OR13G1: variants seen among roughly 807,000 people sequenced by gnomAD.
OR13G1 encodes the protein olfactory receptor 13G1.
For synonymous variants in OR13G1, 128 were observed against 136.2 expected (o/e 0.94, Z 0.42); for missense variants, 369 against 385.7 (o/e 0.96, Z 0.36).
rs1572437757 is a variant in OR13G1 at position 247,672,182 on chromosome 1, T to C, written c.860A>G (p.Tyr287Cys). 6.2e-7 allele frequency: 1 copy of C among 1,614,122 alleles called. No individual in the cohort carries two copies. Among genetic ancestry groups the C allele is most frequent in the Non-Finnish European group, 8.5e-7 (1 of 1,179,978 alleles). The change falls in exon 2 of 2, where the codon TAC becomes TGC. Residue 287 changes from tyrosine to cysteine, a missense_variant. Transcript: ENST00000642119. Reference protein sequence around the residue: ...LVTPTLNPMVYSFQNREMQAG... With the variant: ...LVTPTLNPMVCSFQNREMQAG... ...CTGCATCTCCCTATTCTGGAAGCTG[T>C]ACACCATCGGGTTTAATGTGGGAGT...
chr1:247,678,035 G>A (rs559200917), intron 1 of OR13G1, among the ~76,000 whole-genome samples: 32 of 152,192 alleles, frequency 2.1e-4, no homozygotes, highest in South Asian at 1.2e-3. Context: ...CCTGGGAGGC[G>A]GAGGTTTCAG....
At position 247,672,298 on chromosome 1, in the gene OR13G1, G is replaced by T; in HGVS notation, c.744C>A (p.Tyr248Ter). The T allele has an allele frequency of 6.2e-7, 1 of 1,613,846 alleles. No homozygotes were observed. The highest frequency in any genetic ancestry group is 8.5e-7 in the Non-Finnish European group (1 of 1,179,942). Residue 248 changes from tyrosine (Y) to a stop codon, truncating the protein, a stop_gained, in exon 2 of 2, where the codon TAC becomes TAA. Coordinates refer to ENST00000642119, the MANE Select transcript of OR13G1 (RefSeq NM_001005487.2). LOFTEE classifies it low-confidence loss of function (END_TRUNC). Reference protein sequence around the residue: ...CSSHLTVVTLYYSPVIYTYIR... With the variant: ...CSSHLTVVTL ...TATAGGTGTAGATTACAGGAGAATA[G>T]TAAAGGGTCACCACTGTGAGATGAG... is the stretch of plus-strand genomic sequence containing the variant.
Position 247,671,784 on chromosome 1 carries a change from T to G in OR13G1, c.*334A>C. ...AATGGCACAAAATACACAAAATGTT[T>G]TGTGATATTTGCATGTATGATGTGC... On this transcript the variant is annotated 3_prime_UTR_variant, in exon 2 of 2. Transcript: ENST00000642119. 1 of 227,090 alleles carries G rather than the reference T, an allele frequency of 4.4e-6. No individual in the cohort carries two copies. 14.1% of individuals were successfully genotyped at this position (227,090 alleles called of 1,614,324 possible).
chr1:247,679,404 T>C (rs1373218487), intron 1 of OR13G1, among the ~76,000 whole-genome samples: 4 of 152,078 alleles, frequency 2.6e-5, no homozygotes, highest in African/African-American at 9.7e-5. Flanking sequence ...GCAGGCAATA[T>C]AAATACTTGC....
chr1:247,673,294 T>C lies in OR13G1; in HGVS notation c.-238-15A>G, dbSNP rs552211796. ...GATGACTCAAACTGAAGCCAGTGGT[T>C]GAGAAGAAAAATATTTTCAAAATGC... On this transcript the variant is annotated splice_polypyrimidine_tract_variant and intron_variant, in intron 1 of 1. Transcript: ENST00000642119. 1.3e-5 allele frequency: 6 copies of C among 447,798 alleles called. No homozygotes were observed. Among genetic ancestry groups the C allele is most frequent in the Admixed American group, 4.0e-5 (1 of 24,804 alleles). The allele number at this position is 447,798 out of a possible 1,614,324, so 27.7% of individuals were successfully genotyped here. A position where few individuals can be genotyped will look rare whatever the true frequency, so the allele number is the denominator to read the frequency against.
At chr1:247,675,858 A>T (rs1436263567) in intron 1 of OR13G1, among the ~76,000 whole-genome samples, 1 of 152,208 alleles carries the variant, frequency 6.6e-6, no homozygotes, top group African/African-American at 2.4e-5. Context: ...TGCCTGCATC[A>T]GCAGGAAAGT....
intron 1 of OR13G1, among the ~76,000 whole-genome samples, chr1:247,673,820 C>T (rs952250493): frequency 2.6e-5 from 4 of 151,934 alleles, no homozygotes; most frequent in Non-Finnish European, 4.4e-5. Context: ...TATAGACTGG[C>T]CATTTAAGCT....
rs767970219 is a variant in OR13G1 at position 247,672,880 on chromosome 1, C to T, written c.162G>A (p.Thr54=). 41 of 1,613,778 alleles carry T rather than the reference C, an allele frequency of 2.5e-5. No homozygotes were observed. The South Asian group carries it at 3.4e-4, about 13-fold the overall frequency. The change falls in exon 2 of 2, where the codon ACG becomes ACA. Residue 54 remains threonine, a synonymous_variant. Coordinates refer to ENST00000642119, the MANE Select transcript of OR13G1 (RefSeq NM_001005487.2). ...IAKIYNNTLH[T]PMYVFLLTLA... Reference sequence around the variant, plus strand: ...GTGTCAGAAGGAAAACATACATGGGCGTATGCAAGGTGTTGTTATAGATTT... The same window carrying T: ...GTGTCAGAAGGAAAACATACATGGGTGTATGCAAGGTGTTGTTATAGATTT...
In OR13G1 at chr1:247,672,256, G is replaced by C. The variant is rs1188386986; in HGVS notation, c.786C>G (p.Ser262Arg). 1 of 1,614,106 alleles carries C rather than the reference G, an allele frequency of 6.2e-7. No individual in the cohort carries two copies. The highest frequency in any genetic ancestry group is 2.2e-5 in the East Asian group (1 of 44,886). The stretch of plus-strand genomic sequence containing the variant: ...CCACCTTGTCTCTTTCAAATGTATA[G>C]CTGGAAGCAGGGCGGATATAGGTGT... ...VIYTYIRPAS[S>R]YTFERDKVVA... The change falls in exon 2 of 2, where the codon AGC becomes AGG. Residue 262 changes from serine to arginine, a missense_variant. By Grantham distance (110) the Ser-to-Arg change is moderately radical. Coordinates refer to ENST00000642119, the MANE Select transcript of OR13G1 (RefSeq NM_001005487.2).
Position 247,672,932 on chromosome 1 carries a change from A to G in OR13G1, c.110T>C (p.Leu37Pro). ...GGCAATGATGATGAGCATGTTGCCG[A>G]GAAAAGCCACAAGATAGACAATGAG... Reference protein sequence around the residue: ...FFLIVYLVAFLGNMLIIIAKI... With the variant: ...FFLIVYLVAFPGNMLIIIAKI... Residue 37 changes from leucine to proline, a missense_variant, in exon 2 of 2, where the codon CTC becomes CCC. Physicochemically the swap from Leu to Pro is moderately conservative, Grantham distance 98 (BLOSUM62 -3). Transcript: ENST00000642119. 6.2e-7 allele frequency: 1 copy of G among 1,614,126 alleles called. No individual in the cohort carries two copies. The highest frequency in any genetic ancestry group is 8.5e-7 in the Non-Finnish European group (1 of 1,179,972).
chr1:247,674,500 T>C (rs1659302696), intron 1 of OR13G1, among the ~76,000 whole-genome samples: 1 of 152,192 alleles, frequency 6.6e-6, no homozygotes, highest in Non-Finnish European at 1.5e-5. Context: ...CATCTTTAAC[T>C]CTTTAAACTG....
chr1:247,673,513 A>G (rs1326676499), intron 1 of OR13G1, among the ~76,000 whole-genome samples: 1 of 152,156 alleles, frequency 6.6e-6, no homozygotes, highest in Non-Finnish European at 1.5e-5. Flanking sequence ...GATATACACG[A>G]GCAAAGATAC....
Position 247,672,719 on chromosome 1 carries a change from T to TCAGCTCC in OR13G1, c.316_322dup (p.Glu108GlyfsTer3), listed in dbSNP as rs745987635. ...GGCCATGGTGGTGAAGAGAACCATC[T>TCAGCTCC]CAGCTCCCAGAGACCATGTGAACAA... On this transcript the variant is annotated stop_gained and frameshift_variant, in exon 2 of 2. Coordinates refer to ENST00000642119, the MANE Select transcript of OR13G1 (RefSeq NM_001005487.2). LOFTEE classifies it low-confidence loss of function (END_TRUNC). 5.6e-6 allele frequency: 9 copies of TCAGCTCC among 1,613,920 alleles called. No homozygotes were observed. In the South Asian group the frequency reaches 9.9e-5, roughly 18 times the overall value.
chr1:247,674,588 G>T (rs1377028789), intron 1 of OR13G1, among the ~76,000 whole-genome samples: 3 of 152,124 alleles, frequency 2.0e-5, no homozygotes, highest in African/African-American at 7.2e-5. Context: ...TACTCATACT[G>T]AAGGAATGTT....
At chr1:247,678,039 G>C (rs1355988633) in intron 1 of OR13G1, among the ~76,000 whole-genome samples, 1 of 152,100 alleles carries the variant, frequency 6.6e-6, no homozygotes, top group Non-Finnish European at 1.5e-5. Context: ...GGAGGCGGAG[G>C]TTTCAGTGAG....
chr1:247,672,515 CAGA>C lies in OR13G1; in HGVS notation c.524_526del (p.Phe175del), dbSNP rs1659230402. ...CAAAGCCAGCAATGGGGGTATCTCA[CAGA>C]AGAAGTGGTCAATGGTGTTTGGCCC... On this transcript the variant is annotated inframe_deletion, in exon 2 of 2. Transcript: ENST00000642119. The C allele has an allele frequency of 6.2e-7, 1 of 1,614,092 alleles. No individual in the cohort carries two copies. Among genetic ancestry groups the C allele is most frequent in the East Asian group, 2.2e-5 (1 of 44,888 alleles).
At chr1:247,678,327 C>G (rs1009215507) in intron 1 of OR13G1, among the ~76,000 whole-genome samples, 2 of 152,178 alleles carry the variant, frequency 1.3e-5, no homozygotes, top group African/African-American at 4.8e-5. Context: ...TCCATTACAT[C>G]ATTATCATCA....
Position 247,672,646 on chromosome 1 carries a change from A to G in OR13G1, c.396T>C (p.Ile132=). ...AGGCTACACACATATGGTGGTTCAT[A>G]ATAGTACTGTAATGAAGAGGGAAAC... is the stretch of plus-strand genomic sequence containing the variant. ...AICFPLHYST[I]MNHHMCVALL... is the part of the protein sequence containing the mutation. Residue 132 remains isoleucine (I), a synonymous_variant, in exon 2 of 2, where the codon ATT becomes ATC. Coordinates refer to ENST00000642119, the MANE Select transcript of OR13G1 (RefSeq NM_001005487.2). The G allele has an allele frequency of 6.2e-7, 1 of 1,613,992 alleles. No individual in the cohort carries two copies. Among genetic ancestry groups the G allele is most frequent in the Non-Finnish European group, 8.5e-7 (1 of 1,179,924 alleles).
At chr1:247,677,975 A>G (rs981654879) in intron 1 of OR13G1, among the ~76,000 whole-genome samples, 1 of 152,120 alleles carries the variant, frequency 6.6e-6, no homozygotes, top group African/African-American at 2.4e-5. Flanking sequence ...ATGGTGGCAC[A>G]TGCCTGTAAT....
Sources: allele counts gnomAD v4.1 joint callset (sites outside exome capture counted in the v4.1 genomes callset), GRCh38; gene constraint gnomAD v4.1.1; transcripts MANE v1.5; gene names NCBI Gene and HGNC (gene_info 2026-07-23, HGNC 2026-07-21).